MEGF11: variants seen among roughly 807,000 people sequenced by gnomAD.
MEGF11 encodes the protein multiple EGF like domains 11, also known as multiple epidermal growth factor-like domains protein 11.
A neutral mutation model predicts 146.6 loss-of-function variants in MEGF11; 126 were observed. That is an observed-to-expected ratio of 0.86 (90% CI 0.74 to 1.00). MEGF11 has a LOEUF of 1.00. MEGF11 is among the 50% of genes least tolerant of loss of function. The pLI is 0.00. For synonymous variants in MEGF11, 532 were observed against 583.4 expected, an observed-to-expected ratio of 0.91 and a Z score of 1.27; for missense variants, 1,509 against 1,521.2, an observed-to-expected ratio of 0.99 and a Z score of 0.13.
intron 5 of MEGF11, among the ~76,000 whole-genome samples, chr15:65,995,364 C>T (rs1381498492): frequency 2.6e-5 from 4 of 152,222 alleles, no homozygotes; most frequent in African/African-American, 7.2e-5. Context: ...GTTCATACCA[C>T]CTGGGACTCA....
intron 10 of MEGF11, among the ~76,000 whole-genome samples, chr15:65,937,434 A>G (rs902518662): frequency 1.3e-5 from 2 of 152,216 alleles, no homozygotes; most frequent in African/African-American, 4.8e-5. Flanking sequence ...GAAGTAGTCT[A>G]TCTTCTCTTC....
At chr15:66,245,369 T>C (rs1361727893) in intron 1 of MEGF11, among the ~76,000 whole-genome samples, 1 of 152,116 alleles carries the variant, frequency 6.6e-6, no homozygotes, top group Non-Finnish European at 1.5e-5. Flanking sequence ...GGCGCACTCC[T>C]GTAATCCCAG....
At position 66,231,606 on chromosome 15, in the gene MEGF11, T is replaced by A. The variant is rs182405323; in HGVS notation, c.-9+21999A>T. 2.0e-5 allele frequency among the ~76,000 whole-genome samples: 3 copies of A among 152,270 alleles called. No individual in the cohort carries two copies. In the East Asian group the frequency reaches 5.8e-4, roughly 29 times the overall value. ...CCGTCTCCTGAGTCATGAACTGAGC[T>A]GCTGATTCAAACTCCCGCCCCTCCC... On this transcript the variant is annotated intron_variant, in intron 1 of 25. Coordinates refer to ENST00000395614, the MANE Select transcript of MEGF11 (RefSeq NM_001385028.1).
intron 1 of MEGF11, among the ~76,000 whole-genome samples, chr15:66,241,912 A>G (rs2092218320): frequency 6.6e-6 from 1 of 152,226 alleles, no homozygotes. Context: ...AGCAGCACAT[A>G]CACAGACAAC....
intron 20 of MEGF11, 49 bp from the exon 21 acceptor site, chr15:65,912,249 A>C (rs1019978654): frequency 7.2e-6 from 8 of 1,107,600 alleles, no homozygotes; most frequent in Non-Finnish European, 9.1e-6. Flanking sequence ...TGCCCCTGGC[A>C]TGAGATACCC....
chr15:66,098,437 G>T (rs1025257450), intron 4 of MEGF11, among the ~76,000 whole-genome samples: 1 of 152,186 alleles, frequency 6.6e-6, no homozygotes, highest in African/African-American at 2.4e-5. Context: ...GTTTGCAAAT[G>T]GTCTTACTAG....
At position 66,223,905 on chromosome 15, in the gene MEGF11, C is replaced by T. The variant is rs540102153; in HGVS notation, c.-9+29700G>A. On this transcript the variant is annotated intron_variant, in intron 1 of 25. Transcript: ENST00000395614. Reference sequence around the variant, plus strand: ...CCCAGTGGCCCGAACTCCTGTACGTCCCCCTCCTTGGGGTGGCTGAGTGTT... The same window carrying T: ...CCCAGTGGCCCGAACTCCTGTACGTTCCCCTCCTTGGGGTGGCTGAGTGTT... Among the ~76,000 whole-genome samples, 4 of 152,238 alleles carry T rather than the reference C, an allele frequency of 2.6e-5. No homozygotes were observed. In the East Asian group the frequency reaches 5.8e-4, roughly 22 times the overall value.
intron 3 of MEGF11, 96 bp from the exon 4 acceptor site, chr15:66,119,282 C>T (rs1567250492): frequency 1.2e-6 from 1 of 824,752 alleles, no homozygotes; most frequent in East Asian, 2.7e-5. Context: ...GGATGCCATT[C>T]AATAATTACT....
At chr15:66,224,645 T>TAA (rs1567290341) in intron 1 of MEGF11, among the ~76,000 whole-genome samples, 1 of 144,960 alleles carries the variant, frequency 6.9e-6, no homozygotes, top group Non-Finnish European at 1.5e-5. Context: ...ACTTATTATA[T>TAA]TATATATTTA....
chr15:66,198,334 G>A (rs1035995238), intron 1 of MEGF11, among the ~76,000 whole-genome samples: 12 of 152,146 alleles, frequency 7.9e-5, no homozygotes, highest in African/African-American at 2.9e-4. Flanking sequence ...CAGACACTTT[G>A]TCCCTCATCT....
chr15:66,066,939 TC>T (rs1408186485), intron 5 of MEGF11, among the ~76,000 whole-genome samples: 8 of 152,168 alleles, frequency 5.3e-5, no homozygotes, highest in Admixed American at 4.6e-4. Flanking sequence ...ATTCCAGTTC[TC>T]CTCCGTGTGA....
intron 1 of MEGF11, among the ~76,000 whole-genome samples, chr15:66,214,128 C>G (rs138470529): frequency 2.4e-4 from 37 of 151,060 alleles, no homozygotes; most frequent in African/African-American, 8.8e-4. Flanking sequence ...CTCTGCCTCC[C>G]GGGTTCAAGT....
At chr15:65,925,637 TCC>T (rs2079346476) in intron 13 of MEGF11, among the ~76,000 whole-genome samples, 2 of 152,264 alleles carry the variant, frequency 1.3e-5, no homozygotes, top group East Asian at 1.9e-4. Flanking sequence ...ATAGGGATAG[TCC>T]CCCTCAGAGG....
intron 5 of MEGF11, among the ~76,000 whole-genome samples, chr15:66,022,798 T>A (rs567047114): frequency 4.6e-5 from 7 of 150,880 alleles, no homozygotes; most frequent in African/African-American, 1.7e-4. Context: ...TAGTGAATTG[T>A]GTTTGCACCA....
chr15:65,902,799 A>G (rs1420216349), intron 24 of MEGF11, among the ~76,000 whole-genome samples: 2 of 152,184 alleles, frequency 1.3e-5, no homozygotes, highest in African/African-American at 4.8e-5. Context: ...ATAGTCATAC[A>G]CTGTCAGAGA....
intron 3 of MEGF11, among the ~76,000 whole-genome samples, chr15:66,121,158 C>T (rs1157004632): frequency 6.6e-6 from 1 of 152,184 alleles, no homozygotes; most frequent in East Asian, 1.9e-4. Flanking sequence ...GCAGCCACCA[C>T]CTCAGTGGTG....
intron 7 of MEGF11, among the ~76,000 whole-genome samples, chr15:65,978,882 C>A (rs965151761): frequency 2.0e-5 from 3 of 152,174 alleles, no homozygotes; most frequent in Non-Finnish European, 4.4e-5. Flanking sequence ...TTGAACAGGT[C>A]CCTTACCCTC....
intron 5 of MEGF11, among the ~76,000 whole-genome samples, chr15:65,991,068 A>G (rs2082029574): frequency 6.6e-6 from 1 of 152,226 alleles, no homozygotes. Flanking sequence ...ATGTATCATT[A>G]GCTCTTAGTG....
chr15:66,016,582 A>T (rs1406196552), intron 5 of MEGF11, among the ~76,000 whole-genome samples: 1 of 150,154 alleles, frequency 6.7e-6, no homozygotes, highest in African/African-American at 2.5e-5. Context: ...AAGTGTCTTC[A>T]ATCCAAACTG....
Sources: gnomAD v4.1 joint callset for allele counts (sites outside exome capture counted in the v4.1 genomes callset) on GRCh38, gnomAD v4.1.1 for gene constraint, MANE v1.5 for transcripts, NCBI Gene and HGNC (gene_info 2026-07-23, HGNC 2026-07-21) for gene names.